PPP4R1: variants seen among roughly 807,000 people sequenced by gnomAD.
PPP4R1 encodes the protein serine/threonine-protein phosphatase 4 regulatory subunit 1.
A neutral mutation model predicts 111.2 loss-of-function variants in PPP4R1; 42 were observed. That is an observed-to-expected ratio of 0.38 (90% CI 0.29 to 0.49). PPP4R1 has a LOEUF of 0.49. Ranked by LOEUF, PPP4R1 falls within the 20% of genes least tolerant of loss-of-function variation. The pLI is 0.97. For synonymous variants in PPP4R1, 409 were observed against 405.5 expected, an observed-to-expected ratio of 1.01 and a Z score of -0.10; for missense variants, 1,012 against 1,161.6, an observed-to-expected ratio of 0.87 and a Z score of 1.87.
At chr18:9,611,524 G>A (rs2067579295) in intron 2 of PPP4R1, among the ~76,000 whole-genome samples, 2 of 152,086 alleles carry the variant, frequency 1.3e-5, no homozygotes, top group African/African-American at 2.4e-5. Flanking sequence ...TCCTTCAACT[G>A]GCCATATGTC....
At chr18:9,578,954 ATTAGT>A (rs1402368530) in intron 9 of PPP4R1, among the ~76,000 whole-genome samples, 2 of 152,214 alleles carry the variant, frequency 1.3e-5, no homozygotes. Flanking sequence ...TATCTAAATC[ATTAGT>A]TTAGCTTGTT....
intron 2 of PPP4R1, among the ~76,000 whole-genome samples, chr18:9,598,722 C>T (rs1007071916): frequency 2.6e-5 from 4 of 151,988 alleles, no homozygotes; most frequent in Non-Finnish European, 4.4e-5. Flanking sequence ...GAATAAAGGA[C>T]ATCAGAAACA....
rs1475596391 is a variant in PPP4R1 at position 9,564,737 on chromosome 18, T to TGTGG, written c.1574-1188_1574-1187insCCAC. Among the ~76,000 whole-genome samples the TGTGG allele has an allele frequency of 4.2e-3, 288 of 67,998 alleles. 2 individuals are homozygous for TGTGG. The highest frequency in any genetic ancestry group is 0.019 in the South Asian group (57 of 3,074). The allele number at this position is 67,998 out of a possible 152,430, so 44.6% of individuals were successfully genotyped here. On this transcript the variant is annotated intron_variant, in intron 11 of 19. Coordinates refer to ENST00000400556, the MANE Select transcript of PPP4R1 (RefSeq NM_001042388.3). Reference sequence around the variant, plus strand: ...GTGTGTGTGTGTGTGTGTGTGTGTGTGGGGGTATCATCCCCCATCCATTCT... The same window carrying TGTGG: ...GTGTGTGTGTGTGTGTGTGTGTGTGTGTGGGGGGGTATCATCCCCCATCCATTCT...
At chr18:9,579,024 T>C (rs2066983847) in intron 9 of PPP4R1, among the ~76,000 whole-genome samples, 1 of 152,190 alleles carries the variant, frequency 6.6e-6, no homozygotes, top group Non-Finnish European at 1.5e-5. Flanking sequence ...CAGTGTCTAA[T>C]AAGTTAATTA....
At chr18:9,588,982 C>G in intron 4 of PPP4R1, 129 bp from the exon 5 acceptor site, 1 of 1,143,552 alleles carries the variant, frequency 8.7e-7, no homozygotes, top group Non-Finnish European at 1.2e-6. Context: ...AGACAACATC[C>G]TTTAATTCTG....
chr18:9,558,399 T>C (rs901655653), intron 14 of PPP4R1, among the ~76,000 whole-genome samples: 24 of 152,150 alleles, frequency 1.6e-4, no homozygotes, highest in African/African-American at 5.5e-4. Context: ...AAAACACGAA[T>C]ACACAGGACA....
intron 4 of PPP4R1, among the ~76,000 whole-genome samples, chr18:9,591,002 CTG>C (rs918246352): frequency 2.0e-5 from 3 of 151,962 alleles, no homozygotes. Flanking sequence ...TCCTGTAAAT[CTG>C]TAAGAAAATG....
chr18:9,603,066 ACAGAATAT>A (rs1250407043), intron 2 of PPP4R1, among the ~76,000 whole-genome samples: 1 of 152,234 alleles, frequency 6.6e-6, no homozygotes, highest in Non-Finnish European at 1.5e-5. Context: ...GTTTCTAGAT[ACAGAATAT>A]CTGTGTGTGG....
At chr18:9,548,606 C>A (rs972174391) in intron 19 of PPP4R1, among the ~76,000 whole-genome samples, 1 of 152,148 alleles carries the variant, frequency 6.6e-6, no homozygotes, top group African/African-American at 2.4e-5. Flanking sequence ...TACATAAAAA[C>A]AACACCCAAG....
intron 15 of PPP4R1, among the ~76,000 whole-genome samples, chr18:9,556,031 C>G (rs565176880): frequency 1.4e-4 from 21 of 150,682 alleles, no homozygotes; most frequent in Non-Finnish European, 2.4e-4. Flanking sequence ...CTTAGTGGCA[C>G]GCACCTGTAG....
chr18:9,609,738 T>A (rs111371674), intron 2 of PPP4R1, among the ~76,000 whole-genome samples: 1 of 152,196 alleles, frequency 6.6e-6, no homozygotes, highest in Admixed American at 6.5e-5. Context: ...ACATGCAGCA[T>A]CCCAGATTAA....
At chr18:9,594,802 A>ATTTT in intron 3 of PPP4R1, 2 of 396,934 alleles carry the variant, frequency 5.0e-6, no homozygotes, top group Non-Finnish European at 8.7e-6. Flanking sequence ...ATTAATGGTA[A>ATTTT]TTTTTTTTTT....
intron 11 of PPP4R1, 98 bp downstream of exon 11, chr18:9,570,059 T>C: frequency 7.5e-7 from 1 of 1,330,686 alleles, no homozygotes; most frequent in Non-Finnish European, 1.0e-6. Context: ...CCATAATACA[T>C]TATTAAATGA....
chr18:9,561,758 G>A (rs1465533067), intron 13 of PPP4R1, among the ~76,000 whole-genome samples: 5 of 152,130 alleles, frequency 3.3e-5, no homozygotes, highest in Non-Finnish European at 5.9e-5. Context: ...GTGTGTGATC[G>A]TGGTCACTCT....
At chr18:9,584,337 A>G (rs2067080343) in intron 8 of PPP4R1, among the ~76,000 whole-genome samples, 178 bp downstream of exon 8, 1 of 152,240 alleles carries the variant, frequency 6.6e-6, no homozygotes, top group Non-Finnish European at 1.5e-5. Flanking sequence ...ATAAATATCA[A>G]AAAGATAATT....
chr18:9,600,421 T>C (rs1335421267), intron 2 of PPP4R1, among the ~76,000 whole-genome samples: 1 of 151,922 alleles, frequency 6.6e-6, no homozygotes, highest in Non-Finnish European at 1.5e-5. Flanking sequence ...AATAATTACA[T>C]TAAATATAAA....
chr18:9,584,888 T>C (rs2067091281), intron 6 of PPP4R1, 60 bp from the exon 7 acceptor site: 1 of 1,293,372 alleles, frequency 7.7e-7, no homozygotes, highest in African/African-American at 1.5e-5. Flanking sequence ...TTCAGTTAAA[T>C]TAAATAATAA....
At chr18:9,611,145 A>C (rs550566990) in intron 2 of PPP4R1, among the ~76,000 whole-genome samples, 3 of 152,284 alleles carry the variant, frequency 2.0e-5, no homozygotes, top group Non-Finnish European at 4.4e-5. Flanking sequence ...CTCATAGTCC[A>C]GGTTCTGCAT....
intron 16 of PPP4R1, among the ~76,000 whole-genome samples, chr18:9,552,624 T>G (rs770049377): frequency 3.3e-5 from 5 of 152,116 alleles, no homozygotes; most frequent in Non-Finnish European, 7.4e-5. Context: ...CTCAAGAAAT[T>G]AAACACAGAA....
Sources: gnomAD v4.1 joint callset for allele counts (sites outside exome capture counted in the v4.1 genomes callset) on GRCh38, gnomAD v4.1.1 for gene constraint, MANE v1.5 for transcripts, NCBI Gene and HGNC (gene_info 2026-07-23, HGNC 2026-07-21) for gene names.